MICAL2: variants seen among roughly 807,000 people sequenced by gnomAD.
The protein encoded by MICAL2 is [F-actin]-monooxygenase MICAL2.
Under a neutral mutation model 127.3 loss-of-function variants are expected in MICAL2, and 77 were observed. The ratio of observed to expected loss-of-function variants is 0.60; its 90% CI spans 0.50 to 0.73. MICAL2 has a LOEUF of 0.73. Ranked by LOEUF, MICAL2 falls within the 30% of genes least tolerant of loss-of-function variation. MICAL2 has a pLI of 0.00. For missense variants in MICAL2, 1,351 were observed against 1,434.4 expected, an observed-to-expected ratio of 0.94 and a Z score of 0.94; for synonymous variants, 570 against 551.1, an observed-to-expected ratio of 1.03 and a Z score of -0.48.
chr11:12,317,107 A>T (rs140902977), intron 29 of MICAL2, among the ~76,000 whole-genome samples: 229 of 152,308 alleles, frequency 1.5e-3, no homozygotes, highest in African/African-American at 5.3e-3. Flanking sequence ...GGGGATTTCT[A>T]TGCTTAGGTG....
Position 12,192,742 on chromosome 11 carries a change from C to T in MICAL2, c.265-11508C>T, listed in dbSNP as rs866659905. On this transcript the variant is annotated intron_variant, in intron 3 of 27. Transcript: ENST00000683283. ...CCAGTGAGCTGAGATCACATCACTGCACTCCAGCCTGGGTGACAGAGTGAG... is the reference window on the plus strand; with the variant it reads ...CCAGTGAGCTGAGATCACATCACTGTACTCCAGCCTGGGTGACAGAGTGAG... Among the ~76,000 whole-genome samples the T allele has an allele frequency of 4.6e-5, 7 of 152,142 alleles. No homozygotes were observed. The South Asian group carries it at 1.5e-3, about 32-fold the overall frequency.
chr11:12,304,643 C>CACACACACAT (rs768145647), intron 29 of MICAL2, among the ~76,000 whole-genome samples: 450 of 42,334 alleles, frequency 0.011, 8 homozygotes, highest in Middle Eastern at 0.024. Context: ...CTCAAACACA[C>CACACACACAT]ACACACACAC....
intron 11 of MICAL2, 40 bp from the exon 12 acceptor site, chr11:12,223,371 G>A (rs760006089): frequency 6.4e-7 from 1 of 1,573,528 alleles, no homozygotes; most frequent in Non-Finnish European, 8.7e-7. Context: ...CTAGGATTTG[G>A]GGGAAAACTG....
At chr11:12,189,070 A>G (rs1039906109) in intron 3 of MICAL2, among the ~76,000 whole-genome samples, 2 of 151,904 alleles carry the variant, frequency 1.3e-5, no homozygotes, top group African/African-American at 4.8e-5. Context: ...CCATTCTCCC[A>G]CTCTGAGAAC....
intron 31 of MICAL2, among the ~76,000 whole-genome samples, chr11:12,326,504 T>C (rs1864354367): frequency 6.6e-6 from 1 of 152,206 alleles, no homozygotes; most frequent in Non-Finnish European, 1.5e-5. Context: ...GAGAGTATGA[T>C]GTCATCCCCT....
Position 12,330,883 on chromosome 11 carries a change from C to CAGAG in MICAL2, c.5515+3632_5515+3635dup, listed in dbSNP as rs1201995121. On this transcript the variant is annotated intron_variant, in intron 32 of 34. Coordinates refer to the MICAL2 transcript ENST00000646065. ...GGGTAGAGAGAGAGAGAGAGAGAGA[C>CAGAG]AGAGAGAGAGAGAGAGAGTGTGTGT... Among the ~76,000 whole-genome samples, 11 of 112,846 alleles carry CAGAG rather than the reference C, an allele frequency of 9.7e-5. No individual in the cohort carries two copies. In the East Asian group the frequency reaches 2.6e-3, roughly 27 times the overall value. 74.0% of individuals were successfully genotyped at this position (112,846 alleles called of 152,430 possible). A position where few individuals can be genotyped will look rare whatever the true frequency, so the allele number is the denominator to read the frequency against.
At chr11:12,218,867 G>T (rs1036739180) in intron 8 of MICAL2, among the ~76,000 whole-genome samples, 1 of 152,216 alleles carries the variant, frequency 6.6e-6, no homozygotes, top group East Asian at 1.9e-4. Context: ...AATTGAGGGT[G>T]CCTTGGCTGG....
chr11:12,216,401 G>C (rs1590397948), intron 8 of MICAL2, 82 bp downstream of exon 8: 1 of 1,081,602 alleles, frequency 9.2e-7, no homozygotes, highest in South Asian at 1.3e-5. Context: ...ATGTCGTCCT[G>C]CCAGAAACTG....
chr11:12,152,939 TA>T (rs1853756141), intron 2 of MICAL2, among the ~76,000 whole-genome samples: 1 of 151,826 alleles, frequency 6.6e-6, no homozygotes, highest in South Asian at 2.1e-4. Context: ...GTGATGGTGG[TA>T]GTGGTGGTAG....
At chr11:12,194,459 A>C (rs892104390) in intron 3 of MICAL2, among the ~76,000 whole-genome samples, 2 of 152,210 alleles carry the variant, frequency 1.3e-5, no homozygotes, top group Non-Finnish European at 2.9e-5. Context: ...GCAACTAAAA[A>C]AGAGAAAATG....
In MICAL2 at chr11:12,225,594, T is replaced by A. The variant is rs1328767545; in HGVS notation, c.1689-577T>A. On this transcript the variant is annotated intron_variant, in intron 13 of 27. Coordinates refer to ENST00000683283, the MANE Select transcript of MICAL2 (RefSeq NM_001282663.2). ...CCTCCGCCTCCCAGGTTCAAGCAATTCTCCTGCCTCAGTCTCCTGAGTAGC... is the reference window on the plus strand; with the variant it reads ...CCTCCGCCTCCCAGGTTCAAGCAATACTCCTGCCTCAGTCTCCTGAGTAGC... 4 of 153,194 alleles carry A rather than the reference T, an allele frequency of 2.6e-5. No individual in the cohort carries two copies. In the East Asian group the frequency reaches 7.7e-4, roughly 29 times the overall value. The allele number at this position is 153,194 out of a possible 1,614,324, so 9.5% of individuals were successfully genotyped here. A position where few individuals can be genotyped will look rare whatever the true frequency, so the allele number is the denominator to read the frequency against.
intron 1 of MICAL2, among the ~76,000 whole-genome samples, chr11:12,126,996 GA>G (rs1317905444): frequency 6.6e-6 from 1 of 152,224 alleles, no homozygotes; most frequent in Non-Finnish European, 1.5e-5. Context: ...GAGGCCAAGA[GA>G]AATGGGGAAT....
intron 1 of MICAL2, among the ~76,000 whole-genome samples, chr11:12,127,201 T>C (rs1395699566): frequency 6.6e-6 from 1 of 152,164 alleles, no homozygotes; most frequent in Admixed American, 6.5e-5. Context: ...AGGGTCTAGC[T>C]CCAGGACATT....
Position 12,226,174 on chromosome 11 carries a change from C to G in MICAL2, c.1692C>G (p.Asn564Lys). 6.2e-7 allele frequency: 1 copy of G among 1,614,230 alleles called. No individual in the cohort carries two copies. The highest frequency in any genetic ancestry group is 1.1e-5 in the South Asian group (1 of 91,086). Residue 564 changes from asparagine (N) to lysine (K), a missense_variant, in exon 14 of 28, where the codon AAC becomes AAG. This residue lies in a region of MICAL2 where 752 missense variants were observed against 719.4 expected (regional missense o/e 1.05). Transcript: ENST00000683283. ...CTGCTTTGTTTTGATTCTCTAGCAA[C>G]TTTGACTCTTTGAATGAAGATGATG... ...IIHRFRPELI[N>K]FDSLNEDDAV...
chr11:12,294,097 T>G, downstream of MICAL2: 5 of 1,614,042 alleles, frequency 3.1e-6, no homozygotes, highest in Non-Finnish European at 4.2e-6. Context: ...GAGGAGGCCG[T>G]GTGCTAAAAC....
chr11:12,355,928 T>C (rs1939120920), intron 34 of MICAL2, among the ~76,000 whole-genome samples: 1 of 149,552 alleles, frequency 6.7e-6, no homozygotes, highest in African/African-American at 2.5e-5. Flanking sequence ...GATGGGTCCA[T>C]CCACGACAAG....
In MICAL2 at chr11:12,321,197, A is replaced by G. The variant is rs151159857; in HGVS notation, c.5328+1386A>G. Among the ~76,000 whole-genome samples the G allele has an allele frequency of 5.9e-5, 9 of 152,270 alleles. No homozygotes were observed. In the East Asian group the frequency reaches 1.4e-3, roughly 23 times the overall value. ...CATCACGTCAGCTTGCCAGGTGGTAAAGCATGCCCGCTTCACCTGGCTTCT... is the reference window on the plus strand; with the variant it reads ...CATCACGTCAGCTTGCCAGGTGGTAGAGCATGCCCGCTTCACCTGGCTTCT... On this transcript the variant is annotated intron_variant, in intron 30 of 34. Coordinates refer to the MICAL2 transcript ENST00000646065.
chr11:12,337,116 T>C (rs1160246186), intron 32 of MICAL2, among the ~76,000 whole-genome samples: 2 of 152,210 alleles, frequency 1.3e-5, no homozygotes, highest in African/African-American at 2.4e-5. Flanking sequence ...TATTAATTAT[T>C]GCCTCAATTT....
At chr11:12,338,198 C>T (rs2134875485) in intron 32 of MICAL2, among the ~76,000 whole-genome samples, 1 of 152,282 alleles carries the variant, frequency 6.6e-6, no homozygotes, top group East Asian at 1.9e-4. Flanking sequence ...GATCCCTTTA[C>T]CATTATGTAA....
Sources: gnomAD v4.1 joint callset for allele counts (sites outside exome capture counted in the v4.1 genomes callset) on GRCh38, gnomAD v4.1.1 for gene constraint, gnomAD v4.1.1 regional missense constraint, MANE v1.5 for transcripts, NCBI Gene and HGNC (gene_info 2026-07-23, HGNC 2026-07-21) for gene names.